Variants in PCDH15 observed in about 807,000 individuals in gnomAD.
PCDH15 encodes the protein protocadherin related 15, also known as protocadherin-15.
A neutral mutation model predicts 178.5 loss-of-function variants in PCDH15; 129 were observed. The observed-to-expected ratio is 0.72, with a 90% CI of 0.63 to 0.84. PCDH15 has a LOEUF of 0.84. Ranked by LOEUF, PCDH15 falls within the 40% of genes least tolerant of loss-of-function variation. The probability of loss-of-function intolerance (pLI) is 0.00; values close to 1 mark genes in which losing one functional copy is unlikely to be tolerated. For missense variants in PCDH15, 2,230 were observed against 2,099.9 expected, an observed-to-expected ratio of 1.06 and a Z score of -1.21; for synonymous variants, 800 against 732.0, an observed-to-expected ratio of 1.09 and a Z score of -1.50.
intron 2 of PCDH15, among the ~76,000 whole-genome samples, chr10:55,384,835 T>A (rs1436376989): frequency 1.3e-5 from 2 of 152,134 alleles, no homozygotes; most frequent in Non-Finnish European, 2.9e-5. Flanking sequence ...GATCAAAGAC[T>A]TTTTCTGAGA....
At chr10:55,364,221 G>T (rs1344447614) in intron 2 of PCDH15, among the ~76,000 whole-genome samples, 3 of 152,126 alleles carry the variant, frequency 2.0e-5, no homozygotes, top group Non-Finnish European at 4.4e-5. Context: ...CCCCAGCCAT[G>T]CTGAACTGTG....
chr10:55,432,679 A>C (rs945367065), intron 2 of PCDH15, among the ~76,000 whole-genome samples: 1 of 152,164 alleles, frequency 6.6e-6, no homozygotes, highest in Non-Finnish European at 1.5e-5. Flanking sequence ...CAGAAATGTA[A>C]ATTAGTTTCA....
Position 54,946,540 on chromosome 10 carries a change from G to C in PCDH15, c.-79-49040C>G, listed in dbSNP as rs116455893. On this transcript the variant is annotated intron_variant, in intron 2 of 5. Coordinates refer to the PCDH15 transcript ENST00000458638. ...ACACAATGTCTAAATAATGTTGATT[G>C]CTGGGTCTTTTTAGAAACACAGCTG... 8.8e-3 allele frequency among the ~76,000 whole-genome samples: 1,335 copies of C among 151,912 alleles called. 15 individuals are homozygous for C. Among genetic ancestry groups the C allele is most frequent in the African/African-American group, 0.03 (1,240 of 41,482 alleles).
intron 8 of PCDH15, among the ~76,000 whole-genome samples, chr10:54,303,822 T>C (rs1428533583): frequency 6.6e-6 from 1 of 152,144 alleles, no homozygotes; most frequent in Non-Finnish European, 1.5e-5. Flanking sequence ...AATGCATGCA[T>C]GCAAGGCTGA....
intron 3 of PCDH15, among the ~76,000 whole-genome samples, chr10:54,888,404 C>G (rs77656586): frequency 0.027 from 4,131 of 151,890 alleles, 184 homozygotes; most frequent in African/African-American, 0.091. Flanking sequence ...TTCCAATGCA[C>G]TGATGTACTA....
At chr10:55,605,335 C>T (rs1414523413) in intron 2 of PCDH15, among the ~76,000 whole-genome samples, 1 of 152,068 alleles carries the variant, frequency 6.6e-6, no homozygotes, top group Admixed American at 6.6e-5. Flanking sequence ...GAACTGGTAC[C>T]ATTCCTTCTG....
intron 2 of PCDH15, among the ~76,000 whole-genome samples, chr10:55,593,175 A>C (rs953614044): frequency 2.0e-5 from 3 of 152,062 alleles, no homozygotes; most frequent in African/African-American, 7.2e-5. Flanking sequence ...TATGTTCAAA[A>C]TACGTATAAA....
intron 2 of PCDH15, among the ~76,000 whole-genome samples, chr10:54,975,829 C>A (rs993894409): frequency 6.6e-6 from 1 of 152,096 alleles, no homozygotes; most frequent in East Asian, 1.9e-4. Flanking sequence ...AAGGCTATAT[C>A]ATAAATTACT....
At chr10:54,459,136 A>G (rs2077013618) in intron 3 of PCDH15, among the ~76,000 whole-genome samples, 1 of 152,034 alleles carries the variant, frequency 6.6e-6, no homozygotes, top group East Asian at 1.9e-4. Flanking sequence ...AAAGAGAGAG[A>G]GAGAGTGTGT....
At chr10:54,265,115 C>G (rs539967305) in intron 8 of PCDH15, among the ~76,000 whole-genome samples, 2 of 152,028 alleles carry the variant, frequency 1.3e-5, no homozygotes, top group African/African-American at 4.8e-5. Context: ...TTTTAGTACT[C>G]TAAAAGAAAA....
Position 54,504,529 on chromosome 10 carries a change from G to A in PCDH15, c.157+23283C>T, listed in dbSNP as rs559614509. On this transcript the variant is annotated intron_variant, in intron 3 of 37. Coordinates refer to ENST00000644397, the MANE Select transcript of PCDH15 (RefSeq NM_001384140.1). ...TTATTGTCATCTTCACAAATAAAGC[G>A]TAACCTCTTGAAGGGTTGAAAATTA... Among the ~76,000 whole-genome samples the A allele has an allele frequency of 7.2e-5, 11 of 152,116 alleles. 1 individual carries two copies. The highest frequency in any genetic ancestry group is 6.8e-3 in the Middle Eastern group (2 of 294).
chr10:55,284,994 G>C (rs1842831072), intron 1 of PCDH15, among the ~76,000 whole-genome samples: 1 of 151,692 alleles, frequency 6.6e-6, no homozygotes, highest in South Asian at 2.1e-4. Context: ...TAGGGGAAGT[G>C]AGATCGCTTC....
At chr10:54,223,489 C>T (rs1010095362) in intron 9 of PCDH15, among the ~76,000 whole-genome samples, 1 of 57,718 alleles carries the variant, frequency 1.7e-5, no homozygotes. Flanking sequence ...TATGGCTGTC[C>T]AATTGTTCTG....
At chr10:54,889,402 C>A (rs1364172221) in intron 3 of PCDH15, among the ~76,000 whole-genome samples, 1 of 151,210 alleles carries the variant, frequency 6.6e-6, no homozygotes, top group Admixed American at 6.6e-5. Context: ...AAAATTCAAC[C>A]TTTCCCCAAA....
chr10:54,339,250 A>G (rs1402276316), intron 6 of PCDH15, among the ~76,000 whole-genome samples: 1 of 152,272 alleles, frequency 6.6e-6, no homozygotes, highest in African/African-American at 2.4e-5. Context: ...GGCCCAAGAC[A>G]ATTCTTTTTC....
rs547030948 is a variant in PCDH15 at position 54,044,483 on chromosome 10, G to T, written c.2221-21286C>A. On this transcript the variant is annotated intron_variant, in intron 18 of 37. Transcript: ENST00000644397. ...CTCTGGTATCATTGAAAAGTTCAGT[G>T]ATGGCTCTCCTCACCAGGCCAGAGT... Among the ~76,000 whole-genome samples, 22 of 152,184 alleles carry T rather than the reference G, an allele frequency of 1.4e-4. No individual in the cohort carries two copies. In the South Asian group the frequency reaches 4.6e-3, roughly 32 times the overall value.
At chr10:54,630,019 G>A (rs1462262175) in intron 2 of PCDH15, among the ~76,000 whole-genome samples, 1 of 152,080 alleles carries the variant, frequency 6.6e-6, no homozygotes, top group African/African-American at 2.4e-5. Context: ...AAGTAGGAAT[G>A]CATCCAACAA....
intron 2 of PCDH15, among the ~76,000 whole-genome samples, chr10:55,073,500 A>G (rs1841803894): frequency 6.6e-6 from 1 of 152,166 alleles, no homozygotes; most frequent in Non-Finnish European, 1.5e-5. Flanking sequence ...CCCATTCACA[A>G]TTGCTTCAAA....
intron 1 of PCDH15, among the ~76,000 whole-genome samples, chr10:54,685,950 G>A (rs2094991507): frequency 6.6e-6 from 1 of 151,378 alleles, no homozygotes; most frequent in Admixed American, 6.6e-5. Flanking sequence ...TATAAAATAT[G>A]TGTGTGTGTG....
Sources: gnomAD v4.1 joint callset for allele counts (sites outside exome capture counted in the v4.1 genomes callset) on GRCh38, gnomAD v4.1.1 for gene constraint, MANE v1.5 for transcripts, NCBI Gene and HGNC (gene_info 2026-07-23, HGNC 2026-07-21) for gene names.